Variants in CDKL4 observed in about 807,000 individuals in gnomAD.
The protein encoded by CDKL4 is cyclin dependent kinase like 4, also known as cyclin-dependent kinase-like 4.
CDKL4 carries 44 observed loss-of-function variants against 42.0 expected under a neutral mutation model. The ratio of observed to expected loss-of-function variants is 1.05; its 90% confidence interval spans 0.82 to 1.35. The LOEUF is 1.35. Ranked by LOEUF, CDKL4 falls within the 40% of genes most tolerant of loss-of-function variation. The probability of loss-of-function intolerance (pLI) is 0.00; values close to 1 mark genes in which losing one functional copy is unlikely to be tolerated. For synonymous variants in CDKL4, 120 were observed against 121.6 expected (o/e 0.99, Z 0.09); for missense variants, 393 against 369.9 (o/e 1.06, Z -0.51).
At chr2:39,241,608 C>G (rs1400455176) in intron 1 of CDKL4, among the ~76,000 whole-genome samples, 1 of 152,104 alleles carries the variant, frequency 6.6e-6, no homozygotes, top group African/African-American at 2.4e-5. Flanking sequence ...CAGATTCTTC[C>G]CCAAACACTT....
intron 1 of CDKL4, among the ~76,000 whole-genome samples, chr2:39,232,795 C>T (rs1431925225): frequency 5.9e-5 from 9 of 151,912 alleles, no homozygotes; most frequent in African/African-American, 1.5e-4. Flanking sequence ...CCTGTAATCC[C>T]GGCACTTTGG....
intron 3 of CDKL4, among the ~76,000 whole-genome samples, chr2:39,217,693 CTTATTTTATTAT>C (rs1257264942): frequency 3.3e-5 from 5 of 151,044 alleles, no homozygotes; most frequent in Admixed American, 6.6e-5. Flanking sequence ...ACATGCCAGG[CTTATTTTATTAT>C]TTATTTATTT....
upstream of CDKL4, among the ~76,000 whole-genome samples, chr2:39,243,961 T>C (rs1238197855): frequency 6.6e-6 from 1 of 152,140 alleles, no homozygotes; most frequent in East Asian, 1.9e-4. Flanking sequence ...GGAGGCGCCG[T>C]GTACCCAGCG....
At chr2:39,208,058 C>T (rs775087228) in intron 4 of CDKL4, among the ~76,000 whole-genome samples, 2 of 151,832 alleles carry the variant, frequency 1.3e-5, no homozygotes, top group South Asian at 2.1e-4. Flanking sequence ...GCTGTAGTTG[C>T]GCCACTGGAC....
chr2:39,209,209 G>A (rs948578344), intron 4 of CDKL4, among the ~76,000 whole-genome samples: 1 of 151,936 alleles, frequency 6.6e-6, no homozygotes, highest in African/African-American at 2.4e-5. Context: ...TTCCTTGGGA[G>A]GCTAAGGTGG....
At chr2:39,239,071 T>G (rs11897325) in intron 1 of CDKL4, among the ~76,000 whole-genome samples, 4,629 of 152,232 alleles carry the variant, frequency 0.03, 226 homozygotes, top group African/African-American at 0.11. Flanking sequence ...TTTGACAAAG[T>G]TGCTGCAGCA....
intron 7 of CDKL4, among the ~76,000 whole-genome samples, chr2:39,185,607 C>G (rs550491007): frequency 1.3e-5 from 2 of 150,618 alleles, no homozygotes; most frequent in Non-Finnish European, 3.0e-5. Flanking sequence ...GGACTACAGG[C>G]GCCCACCACA....
At chr2:39,233,813 G>A (rs1344651087) in intron 1 of CDKL4, among the ~76,000 whole-genome samples, 1 of 150,004 alleles carries the variant, frequency 6.7e-6, no homozygotes, top group Admixed American at 6.6e-5. Flanking sequence ...CTCATAATTT[G>A]GAGATACGAA....
chr2:39,204,915 A>T (rs79221182), intron 4 of CDKL4, among the ~76,000 whole-genome samples: 2,485 of 151,364 alleles, frequency 0.016, 74 homozygotes, highest in African/African-American at 0.057. Flanking sequence ...GTGGTGGCTC[A>T]TGTCCATAAT....
intron 7 of CDKL4, among the ~76,000 whole-genome samples, chr2:39,185,337 T>TATATACAC (rs1491022609): frequency 1.0e-5 from 1 of 95,528 alleles, no homozygotes; most frequent in African/African-American, 5.5e-5. Flanking sequence ...CACATATGTA[T>TATATACAC]ATATATACAC....
At chr2:39,229,678 G>A (rs1573023521) in intron 1 of CDKL4, 90 bp from the exon 2 acceptor site, 2 of 515,932 alleles carry the variant, frequency 3.9e-6, no homozygotes, top group African/African-American at 2.0e-5. Flanking sequence ...CATGCCAAAG[G>A]TTTATATTCA....
downstream of CDKL4, among the ~76,000 whole-genome samples, chr2:39,173,374 C>T (rs1675050782): frequency 6.6e-6 from 1 of 152,080 alleles, no homozygotes; most frequent in African/African-American, 2.4e-5. Context: ...TGGTATCGTC[C>T]TGTTAAAAAT....
chr2:39,219,504 T>C (rs1678172077), intron 3 of CDKL4, among the ~76,000 whole-genome samples: 1 of 152,122 alleles, frequency 6.6e-6, no homozygotes, highest in South Asian at 2.1e-4. Context: ...CACTGCAACC[T>C]CTGCATTCTG....
intron 3 of CDKL4, among the ~76,000 whole-genome samples, chr2:39,216,058 G>T (rs1257524365): frequency 6.6e-6 from 1 of 152,178 alleles, no homozygotes; most frequent in Non-Finnish European, 1.5e-5. Context: ...GAGACAGGTT[G>T]CTTGAGTTCA....
chr2:39,180,686 CTTTTTTTTT>C lies in CDKL4; in HGVS notation c.793-1374_793-1366del, dbSNP rs1167370938. Among the ~76,000 whole-genome samples the C allele has an allele frequency of 5.8e-5, 7 of 121,070 alleles. No individual in the cohort carries two copies. The East Asian group carries it at 1.2e-3, about 20-fold the overall frequency. 79.4% of individuals were successfully genotyped at this position (121,070 alleles called of 152,430 possible). ...TAGGGCTACAATCAGGAGAGAAAGA[CTTTTTTTTT>C]TTTTTTTTTTTTTGAGACAAAGTCT... On this transcript the variant is annotated intron_variant, in intron 8 of 9. Coordinates refer to ENST00000451199, the Ensembl canonical transcript of CDKL4.
At chr2:39,202,376 C>T (rs1676910518) in intron 5 of CDKL4, among the ~76,000 whole-genome samples, 1 of 152,146 alleles carries the variant, frequency 6.6e-6, no homozygotes, top group Non-Finnish European at 1.5e-5. Context: ...AGTCCTTTGC[C>T]CACTTTCAAA....
rs752564124 is a variant in CDKL4 at position 39,190,418 on chromosome 2, G to A, written c.539C>T (p.Ser180Phe). The change falls in exon 6 of 10, where the codon TCT becomes TTT. Residue 180 changes from serine to phenylalanine, a missense_variant. Physicochemically the swap from Ser to Phe is radical, Grantham distance 155 (BLOSUM62 -2). Coordinates refer to ENST00000451199, the Ensembl canonical transcript of CDKL4. ...ACCAATAGCCCATATATCGACTGAA[G>A]AACCATACTGAGTATCTCCCACAAG... 3.7e-6 allele frequency: 6 copies of A among 1,613,850 alleles called. No homozygotes were observed. The highest frequency in any genetic ancestry group is 1.3e-5 in the African/African-American group (1 of 74,838).
chr2:39,182,191 T>A (rs1459193406), intron 8 of CDKL4, among the ~76,000 whole-genome samples: 1 of 152,062 alleles, frequency 6.6e-6, no homozygotes, highest in Non-Finnish European at 1.5e-5. Flanking sequence ...GGGTCTGACT[T>A]TGTTGTCCAG....
chr2:39,193,274 A>G (rs1207074971), intron 5 of CDKL4, among the ~76,000 whole-genome samples: 4 of 150,938 alleles, frequency 2.7e-5, no homozygotes, highest in African/African-American at 9.7e-5. Flanking sequence ...CTCTGTTAAA[A>G]AAAAAAAAAA....
Sources: gnomAD v4.1 joint callset for allele counts (sites outside exome capture counted in the v4.1 genomes callset) on GRCh38, gnomAD v4.1.1 for gene constraint, MANE v1.5 for transcripts, NCBI Gene and HGNC (gene_info 2026-07-23, HGNC 2026-07-21) for gene names.